The following DOCK3 variants were observed in gnomAD, a reference collection of about 807,000 sequenced individuals.
DOCK3 encodes the protein dedicator of cytokinesis 3.
DOCK3 carries 60 observed loss-of-function variants against 265.6 expected under a neutral mutation model. The ratio of observed to expected loss-of-function variants is 0.23; its 90% CI spans 0.18 to 0.28. The LOEUF is 0.28. DOCK3 is among the 10% of genes least tolerant of loss of function. DOCK3 has a pLI of 1.00. For synonymous variants in DOCK3, 881 were observed against 938.0 expected (o/e 0.94, Z 1.11); for missense variants, 1,981 against 2,594.3 (o/e 0.76, Z 5.14).
chr3:50,869,437 C>G (rs1251274714), intron 3 of DOCK3, among the ~76,000 whole-genome samples: 1 of 121,154 alleles, frequency 8.3e-6, no homozygotes, highest in Admixed American at 9.9e-5. Context: ...GTGGTGTGAT[C>G]TCAGCTCACT....
rs146871199 is a variant in DOCK3 at position 50,715,218 on chromosome 3, T to G, written c.37+39918T>G. 5.8e-4 allele frequency among the ~76,000 whole-genome samples: 88 copies of G among 152,316 alleles called. 2 individuals are homozygous for G. In the South Asian group the frequency reaches 0.011, roughly 19 times the overall value. ...TTGCTCGGGTGGATCAGGAAATGTC[T>G]CAGAGACAAGGAAATGCATGAGTTG... is the stretch of plus-strand genomic sequence containing the variant. On this transcript the variant is annotated intron_variant, in intron 1 of 52. Coordinates refer to ENST00000266037, the MANE Select transcript of DOCK3 (RefSeq NM_004947.5).
At chr3:50,962,111 C>T (rs1034767948) in intron 5 of DOCK3, among the ~76,000 whole-genome samples, 5 of 152,022 alleles carry the variant, frequency 3.3e-5, no homozygotes, top group African/African-American at 1.2e-4. Context: ...ATCAACCCAT[C>T]ATCTACATTA....
intron 19 of DOCK3, among the ~76,000 whole-genome samples, chr3:51,230,973 A>G (rs2090522594): frequency 6.6e-6 from 1 of 152,064 alleles, no homozygotes; most frequent in Non-Finnish European, 1.5e-5. Context: ...ACACAGTAAT[A>G]AGATTGCTGG....
chr3:51,194,814 G>A (rs896748508), intron 12 of DOCK3, among the ~76,000 whole-genome samples: 13 of 149,468 alleles, frequency 8.7e-5, no homozygotes, highest in Non-Finnish European at 1.5e-4. Context: ...TACTGCTAAG[G>A]TGAATATCTT....
At chr3:51,206,750 T>G (rs149598652) in intron 12 of DOCK3, among the ~76,000 whole-genome samples, 1 of 152,302 alleles carries the variant, frequency 6.6e-6, no homozygotes, top group Non-Finnish European at 1.5e-5. Context: ...GGTGGCCATA[T>G]GACCAAATTG....
intron 3 of DOCK3, among the ~76,000 whole-genome samples, chr3:50,848,395 T>C (rs989274496): frequency 6.6e-6 from 1 of 152,248 alleles, no homozygotes; most frequent in African/African-American, 2.4e-5. Context: ...TTATAGGCTA[T>C]ATACTTAAGT....
Position 51,374,736 on chromosome 3 carries a change from T to C in DOCK3, c.5412+149T>C. The C allele has an allele frequency of 2.7e-6, 2 of 742,730 alleles. No individual in the cohort carries two copies. Among genetic ancestry groups the C allele is most frequent in the Admixed American group, 2.3e-5 (1 of 44,004 alleles). 46.0% of individuals were successfully genotyped at this position (742,730 alleles called of 1,614,324 possible). On this transcript the variant is annotated intron_variant, in intron 50 of 52. Transcript: ENST00000266037. This position sits in a 1 kb window ranked among gnomAD's most constrained non-coding sequence, Gnocchi z 4.8. ...CAAAAGGCCGCTGGGCTTCTGGATG[T>C]GGAGTGCAGTGAACCTGAGGACCAG... is the stretch of plus-strand genomic sequence containing the variant.
At chr3:50,956,166 A>G (rs2076724418) in intron 5 of DOCK3, among the ~76,000 whole-genome samples, 1 of 152,054 alleles carries the variant, frequency 6.6e-6, no homozygotes, top group African/African-American at 2.4e-5. Flanking sequence ...TCTGCCATAT[A>G]TCAAGTCTAT....
In DOCK3 at chr3:50,675,103, C is replaced by T. The variant is rs1258476104; in HGVS notation, c.-161C>T. The T allele has an allele frequency of 1.3e-5, 4 of 314,624 alleles. No individual in the cohort carries two copies. The highest frequency in any genetic ancestry group is 1.9e-5 in the Non-Finnish European group (4 of 216,068). The allele number at this position is 314,624 out of a possible 1,614,324, so 19.5% of individuals were successfully genotyped here. A position where few individuals can be genotyped will look rare whatever the true frequency, so the allele number is the denominator to read the frequency against. ...CGCGGTCCAGACGTGGCGGGGGTGG[C>T]GGCGGCATCCCGGACGGCCTGTGAG... On this transcript the variant is annotated 5_prime_UTR_variant, in exon 1 of 53. Coordinates refer to ENST00000266037, the MANE Select transcript of DOCK3 (RefSeq NM_004947.5). The surrounding 1 kb of genome is among the most constrained non-coding windows in gnomAD (Gnocchi z 6.1).
chr3:51,329,475 C>T (rs1290876839), intron 32 of DOCK3, among the ~76,000 whole-genome samples: 1 of 152,174 alleles, frequency 6.6e-6, no homozygotes, highest in Admixed American at 6.5e-5. Context: ...GCTGAATGCC[C>T]TTGCAAATCC....
chr3:51,161,991 G>A (rs1013558398), intron 12 of DOCK3, among the ~76,000 whole-genome samples: 15 of 152,144 alleles, frequency 9.9e-5, no homozygotes, highest in African/African-American at 3.6e-4. Flanking sequence ...AATAAATGCA[G>A]AATTCAGTCA....
intron 4 of DOCK3, among the ~76,000 whole-genome samples, chr3:50,903,892 C>T (rs929823108): frequency 1.3e-5 from 2 of 152,004 alleles, no homozygotes; most frequent in African/African-American, 2.4e-5. Context: ...TTAGGTATAT[C>T]TCCTAATGAT....
At chr3:51,315,644 A>G (rs993094411) in intron 32 of DOCK3, among the ~76,000 whole-genome samples, 1 of 152,152 alleles carries the variant, frequency 6.6e-6, no homozygotes, top group Non-Finnish European at 1.5e-5. Context: ...TAAGTGTAGG[A>G]GATGGCCCCT....
chr3:50,683,008 C>T (rs749513196), intron 1 of DOCK3, among the ~76,000 whole-genome samples: 3 of 152,214 alleles, frequency 2.0e-5, no homozygotes, highest in Admixed American at 2.0e-4. Context: ...TTGGCAGACG[C>T]ACCTCAGAAC....
intron 5 of DOCK3, among the ~76,000 whole-genome samples, chr3:50,940,162 C>G (rs1375146924): frequency 2.0e-5 from 3 of 151,060 alleles, no homozygotes; most frequent in Non-Finnish European, 4.4e-5. Context: ...ATTAGTTGCT[C>G]AAGAAAAAAT....
intron 4 of DOCK3, among the ~76,000 whole-genome samples, chr3:50,895,204 CTTT>C (rs34645584): frequency 5.7e-5 from 7 of 121,962 alleles, no homozygotes; most frequent in Admixed American, 3.3e-4. Context: ...TTTATCCCCG[CTTT>C]TTTTTTTTTT....
rs114924028 is a variant in DOCK3, at chr3:50,696,291, G to A, written c.37+20991G>A. Among the ~76,000 whole-genome samples, 140 of 152,298 alleles carry A rather than the reference G, an allele frequency of 9.2e-4. 1 individual carries two copies. The highest frequency in any genetic ancestry group is 3.2e-3 in the African/African-American group (134 of 41,550). On this transcript the variant is annotated intron_variant, in intron 1 of 52. Transcript: ENST00000266037. The stretch of plus-strand genomic sequence containing the variant: ...ATATGCCCAGTTATTGAAGGGGTCC[G>A]ATTGACAGCCCCACTGAAATCACTA...
intron 49 of DOCK3, among the ~76,000 whole-genome samples, chr3:51,372,574 AGCCAG>A: frequency 6.6e-6 from 1 of 152,202 alleles, no homozygotes; most frequent in African/African-American, 2.4e-5. Flanking sequence ...TTTCTTTATG[AGCCAG>A]GCTGTGAGCT....
At chr3:51,034,534 A>G (rs1053429000) in intron 5 of DOCK3, among the ~76,000 whole-genome samples, 7 of 152,094 alleles carry the variant, frequency 4.6e-5, no homozygotes, top group African/African-American at 1.4e-4. Flanking sequence ...CATACATCCT[A>G]TTCTATTCTT....
Sources: gnomAD v4.1 joint callset for allele counts (sites outside exome capture counted in the v4.1 genomes callset) on GRCh38, gnomAD v4.1.1 for gene constraint, Gnocchi (gnomAD v3.1) non-coding constraint, MANE v1.5 for transcripts, NCBI Gene and HGNC (gene_info 2026-07-23, HGNC 2026-07-21) for gene names.